The following RERG variants were observed in gnomAD, a reference collection of about 807,000 sequenced individuals.
RERG encodes the protein ras-related and estrogen-regulated growth inhibitor.
Under a neutral mutation model 23.2 loss-of-function variants are expected in RERG, and 25 were observed. The ratio of observed to expected loss-of-function variants is 1.08; its 90% CI spans 0.79 to 1.50. The LOEUF is 1.50. Among genes scored for constraint, RERG ranks in the 40% most tolerant of loss-of-function variants. RERG has a pLI of 0.00. For missense variants in RERG, 253 were observed against 250.1 expected, an observed-to-expected ratio of 1.01 and a Z score of -0.08; for synonymous variants, 81 against 89.1, an observed-to-expected ratio of 0.91 and a Z score of 0.51.
At chr12:15,214,415 C>A (rs1208180802) in intron 2 of RERG, among the ~76,000 whole-genome samples, 1 of 152,186 alleles carries the variant, frequency 6.6e-6, no homozygotes, top group African/African-American at 2.4e-5. Flanking sequence ...TATTTACCCC[C>A]AATTCCTACT....
At chr12:15,204,427 A>G (rs1033555821) in intron 2 of RERG, among the ~76,000 whole-genome samples, 6 of 151,764 alleles carry the variant, frequency 4.0e-5, no homozygotes, top group African/African-American at 1.4e-4. Flanking sequence ...ATCAACTAAA[A>G]TGGATTAAAG....
intron 3 of RERG, among the ~76,000 whole-genome samples, chr12:15,116,809 G>GA (rs1401275609): frequency 3.3e-5 from 5 of 152,156 alleles, no homozygotes; most frequent in Non-Finnish European, 7.4e-5. Flanking sequence ...ATACATAAAA[G>GA]AAAATGTGTA....
intron 2 of RERG, among the ~76,000 whole-genome samples, chr12:15,138,921 T>G (rs1864187816): frequency 6.6e-6 from 1 of 151,388 alleles, no homozygotes; most frequent in Non-Finnish European, 1.5e-5. Flanking sequence ...TCTCCTATAC[T>G]ATAATCTAGA....
intron 2 of RERG, chr12:15,137,812 T>C (rs1342116760): frequency 7.0e-6 from 3 of 430,780 alleles, no homozygotes; most frequent in Non-Finnish European, 1.4e-5. Flanking sequence ...GTAAGAAAAA[T>C]TAAAGTTTTA....
intron 2 of RERG, among the ~76,000 whole-genome samples, chr12:15,180,629 A>G (rs1864911060): frequency 6.6e-6 from 1 of 152,172 alleles, no homozygotes; most frequent in Non-Finnish European, 1.5e-5. Flanking sequence ...TTGAGATGGA[A>G]GTGCACTGGC....
intron 2 of RERG, among the ~76,000 whole-genome samples, chr12:15,173,207 C>T (rs1202492394): frequency 1.3e-5 from 2 of 151,922 alleles, no homozygotes; most frequent in East Asian, 3.9e-4. Flanking sequence ...TATCCCAGAA[C>T]CATTTGTTGG....
intron 2 of RERG, among the ~76,000 whole-genome samples, chr12:15,136,391 T>C (rs760400564): frequency 2.0e-5 from 3 of 152,010 alleles, no homozygotes; most frequent in Non-Finnish European, 4.4e-5. Context: ...TTCAGTTACA[T>C]TGATTTCTGT....
intron 2 of RERG, chr12:15,217,106 T>A: frequency 4.4e-6 from 1 of 228,298 alleles, no homozygotes; most frequent in Non-Finnish European, 8.6e-6. Flanking sequence ...ATCTCATACA[T>A]AGAGAAAAGA....
At chr12:15,122,794 TTTTTTGTTTTTTG>T (rs1234472370) in intron 2 of RERG, among the ~76,000 whole-genome samples, 1 of 151,886 alleles carries the variant, frequency 6.6e-6, no homozygotes, top group African/African-American at 2.4e-5. Context: ...AGTTGTTTTT[TTTTTTGTTTTTTG>T]TTTTCGTTTT....
chr12:15,111,311 C>T, intron 4 of RERG, 33 bp downstream of exon 4: 2 of 1,527,948 alleles, frequency 1.3e-6, no homozygotes, highest in Admixed American at 1.8e-5. Context: ...TTATTTGATC[C>T]AGAAAAATAT....
At chr12:15,181,740 C>T (rs1157497858) in intron 2 of RERG, among the ~76,000 whole-genome samples, 4 of 152,120 alleles carry the variant, frequency 2.6e-5, no homozygotes, top group South Asian at 2.1e-4. Flanking sequence ...AGAAGGCAAA[C>T]GACTAAAGCC....
intron 2 of RERG, among the ~76,000 whole-genome samples, chr12:15,173,426 T>C (rs1035716526): frequency 3.9e-5 from 6 of 152,066 alleles, no homozygotes; most frequent in Non-Finnish European, 7.4e-5. Flanking sequence ...TGTTCCTCTT[T>C]TTCAAGATTG....
rs780125717 is a variant in RERG, at chr12:15,109,415, T to G, written c.295A>C (p.Lys99Gln). 4.3e-6 allele frequency: 7 copies of G among 1,613,944 alleles called. No homozygotes were observed. The African/African-American group carries it at 8.0e-5, about 18-fold the overall frequency. Reference sequence around the variant, plus strand: ...TTTTTGATCTCATCTAGGATGTTCTTAAGTGGCAGCACTTCCTCAAAACTT... The same window carrying G: ...TTTTTGATCTCATCTAGGATGTTCTGAAGTGGCAGCACTTCCTCAAAACTT... Reference protein sequence around the residue: ...RGSFEEVLPLKNILDEIKKPK... With the variant: ...RGSFEEVLPLQNILDEIKKPK... Residue 99 changes from lysine to glutamine, a missense_variant, in exon 5 of 5, where the codon AAG becomes CAG. Coordinates refer to ENST00000256953, the MANE Select transcript of RERG (RefSeq NM_032918.3).
At position 15,108,937 on chromosome 12, in the gene RERG, G is replaced by C. The variant is rs1863546987; in HGVS notation, c.*173C>G. The C allele has an allele frequency of 1.7e-6, 1 of 599,636 alleles. No individual in the cohort carries two copies. Among genetic ancestry groups the C allele is most frequent in the South Asian group, 2.5e-5 (1 of 39,468 alleles). 37.1% of individuals were successfully genotyped at this position (599,636 alleles called of 1,614,324 possible). On this transcript the variant is annotated 3_prime_UTR_variant, in exon 5 of 5. Transcript: ENST00000256953. ...AGGAAAGGAAGAAATTGTTAGCACT[G>C]AAATTGCATAAAACACGCTAAAACT...
intron 2 of RERG, among the ~76,000 whole-genome samples, chr12:15,210,999 T>C (rs967340222): frequency 1.3e-5 from 2 of 152,124 alleles, no homozygotes; most frequent in African/African-American, 4.8e-5. Flanking sequence ...AAGAAATCAA[T>C]AGGATTTCTG....
chr12:15,208,210 C>A (rs943011260), intron 2 of RERG, among the ~76,000 whole-genome samples: 8 of 152,062 alleles, frequency 5.3e-5, no homozygotes, highest in Admixed American at 2.6e-4. Flanking sequence ...TTGCCAGCTG[C>A]CACAATCAAA....
At chr12:15,202,076 G>T (rs1276541958) in intron 2 of RERG, among the ~76,000 whole-genome samples, 5 of 151,606 alleles carry the variant, frequency 3.3e-5, no homozygotes, top group African/African-American at 4.8e-5. Flanking sequence ...TCATTACTTT[G>T]TTGTCCTTTT....
intron 2 of RERG, among the ~76,000 whole-genome samples, chr12:15,135,739 T>G (rs1352779620): frequency 2.0e-5 from 3 of 152,154 alleles, no homozygotes; most frequent in Non-Finnish European, 4.4e-5. Context: ...CTTGCATATT[T>G]GGAATAAATT....
In RERG at chr12:15,134,824, T is replaced by C. The variant is rs546730007; in HGVS notation, c.62-13705A>G. On this transcript the variant is annotated intron_variant, in intron 2 of 4. Transcript: ENST00000256953. ...TGGAGTTTCACCATGTTGGCCAGGA[T>C]GGTTTGAAACTCCTGATCTCAAGTG... Among the ~76,000 whole-genome samples, 166 of 152,218 alleles carry C rather than the reference T, an allele frequency of 1.1e-3. 1 individual carries two copies. Among genetic ancestry groups the C allele is most frequent in the African/African-American group, 3.6e-3 (151 of 41,536 alleles).
Sources: allele counts gnomAD v4.1 joint callset (sites outside exome capture counted in the v4.1 genomes callset), GRCh38; gene constraint gnomAD v4.1.1; transcripts MANE v1.5; gene names NCBI Gene and HGNC (gene_info 2026-07-23, HGNC 2026-07-21).